The following RASGRF1 variants were observed in gnomAD, a reference collection of about 807,000 sequenced individuals.
RASGRF1 encodes the protein Ras protein specific guanine nucleotide releasing factor 1.
A neutral mutation model predicts 138.7 loss-of-function variants in RASGRF1; 40 were observed. The ratio of observed to expected loss-of-function variants is 0.29; its 90% CI spans 0.22 to 0.38. The LOEUF (loss-of-function observed/expected upper bound fraction) is 0.38, where lower values mean the gene tolerates loss of function less well. Ranked by LOEUF, RASGRF1 falls within the 10% of genes least tolerant of loss-of-function variation. The probability of loss-of-function intolerance (pLI) is 1.00; values close to 1 mark genes in which losing one functional copy is unlikely to be tolerated. For missense variants in RASGRF1, 1,108 were observed against 1,650.4 expected (o/e 0.67, Z 5.69); for synonymous variants, 614 against 663.2 (o/e 0.93, Z 1.14).
chr15:78,991,503 A>G (rs1255103258), intron 21 of RASGRF1, among the ~76,000 whole-genome samples, 188 bp downstream of exon 21: 5 of 152,150 alleles, frequency 3.3e-5, no homozygotes, highest in Non-Finnish European at 7.4e-5. Flanking sequence ...GCTGACAGGT[A>G]AGGAGAGAAT....
At chr15:79,035,027 G>A (rs1934654079) in intron 6 of RASGRF1, 104 bp downstream of exon 6, 1 of 900,250 alleles carries the variant, frequency 1.1e-6, no homozygotes, top group African/African-American at 1.7e-5. Context: ...GTTTTAAAAA[G>A]TGACACTCTA....
intron 22 of RASGRF1, among the ~76,000 whole-genome samples, chr15:78,988,839 G>GTT (rs555940270): frequency 0.36 from 45,535 of 127,070 alleles, 9,011 homozygotes; most frequent in Non-Finnish European, 0.38. Context: ...CTGGGAGGGA[G>GTT]TTTTTTTTTT....
chr15:79,017,711 C>T, intron 12 of RASGRF1, 59 bp downstream of exon 12: 1 of 1,534,254 alleles, frequency 6.5e-7, no homozygotes, highest in Non-Finnish European at 8.8e-7. Flanking sequence ...CAGCCAAATC[C>T]CTGACCTGGT....
chr15:79,065,787 G>C (rs940100914), intron 1 of RASGRF1, among the ~76,000 whole-genome samples: 2 of 152,016 alleles, frequency 1.3e-5, no homozygotes, highest in Non-Finnish European at 2.9e-5. Context: ...TCCATCCCTC[G>C]GTGTCCAGGT....
At chr15:79,063,729 G>GT (rs2057639307) in intron 2 of RASGRF1, among the ~76,000 whole-genome samples, 1 of 152,160 alleles carries the variant, frequency 6.6e-6, no homozygotes, top group Non-Finnish European at 1.5e-5. Flanking sequence ...GCCCAGAAAC[G>GT]TAAGTCTGGG....
chr15:79,004,176 C>T lies in RASGRF1; in HGVS notation c.2076-1G>A. On this transcript the variant is annotated splice_acceptor_variant, in intron 14 of 26. Transcript: ENST00000558480. LOFTEE classifies it high-confidence loss of function. ...ACTGGCAAACAGGAGCTCCAGCGACCTGTGGGGAGGGCGGGGGTGAAAATG... is the reference window on the plus strand; with the variant it reads ...ACTGGCAAACAGGAGCTCCAGCGACTTGTGGGGAGGGCGGGGGTGAAAATG... 3 of 1,569,042 alleles carry T rather than the reference C, an allele frequency of 1.9e-6. No homozygotes were observed. Among genetic ancestry groups the T allele is most frequent in the Non-Finnish European group, 2.6e-6 (3 of 1,155,414 alleles).
At position 79,007,324 on chromosome 15, in the gene RASGRF1, G is replaced by A. The variant is rs140416106; in HGVS notation, c.1827-890C>T. Among the ~76,000 whole-genome samples the A allele has an allele frequency of 5.2e-3, 789 of 152,262 alleles. 6 individuals are homozygous for A. The highest frequency in any genetic ancestry group is 0.018 in the African/African-American group (747 of 41,548). ...CCACACAGCGCCCTCTGGTGCTTAC[G>A]CCACTGGAATCGTCTTTTATTGGTC... is the stretch of plus-strand genomic sequence containing the variant. On this transcript the variant is annotated intron_variant, in intron 13 of 26. Coordinates refer to ENST00000558480, the MANE Select transcript of RASGRF1 (RefSeq NM_001145648.3).
At chr15:78,994,033 G>T (rs1179770621) in intron 20 of RASGRF1, among the ~76,000 whole-genome samples, 4 of 152,242 alleles carry the variant, frequency 2.6e-5, no homozygotes, top group Admixed American at 2.6e-4. Flanking sequence ...GCAGCTGTTT[G>T]TTCTGGAAGA....
intron 3 of RASGRF1, among the ~76,000 whole-genome samples, chr15:79,055,313 C>T (rs2057495810): frequency 1.3e-5 from 2 of 152,132 alleles, no homozygotes; most frequent in African/African-American, 4.8e-5. Flanking sequence ...CTAGAGCCCA[C>T]TCAGAGCCAG....
At position 79,050,793 on chromosome 15, in the gene RASGRF1, C is replaced by T. The variant is rs973040872; in HGVS notation, c.532-1205G>A. The stretch of plus-strand genomic sequence containing the variant: ...TCCTCCTGCGCAGGGCTCGTCCAAC[C>T]ACTCCAATTCTGTGAGTCCTTGTTT... On this transcript the variant is annotated intron_variant, in intron 3 of 26. Transcript: ENST00000558480. This position sits in a 1 kb window ranked among gnomAD's most constrained non-coding sequence, Gnocchi z 4.1. Among the ~76,000 whole-genome samples the T allele has an allele frequency of 3.3e-5, 5 of 152,212 alleles. No homozygotes were observed. The highest frequency in any genetic ancestry group is 2.1e-4 in the South Asian group (1 of 4,828).
At chr15:79,079,646 G>GTA (rs138962004) in intron 1 of RASGRF1, among the ~76,000 whole-genome samples, 1,647 of 152,018 alleles carry the variant, frequency 0.011, 38 homozygotes, top group African/African-American at 0.038. Flanking sequence ...GCATGTACAT[G>GTA]TATATATATA....
At chr15:78,976,111 A>G (rs2055864749) in intron 24 of RASGRF1, among the ~76,000 whole-genome samples, 1 of 152,072 alleles carries the variant, frequency 6.6e-6, no homozygotes. Context: ...GGGGTTTCTG[A>G]CCACCCAGAT....
intron 2 of RASGRF1, among the ~76,000 whole-genome samples, chr15:79,059,991 GACACACACACACAC>G (rs941037876): frequency 1.3e-4 from 4 of 31,576 alleles, no homozygotes; most frequent in South Asian, 1.4e-3. Flanking sequence ...CAGACACACA[GACACACACACACAC>G]ACACACACAC....
chr15:79,076,285 T>C (rs1452746981), intron 1 of RASGRF1, among the ~76,000 whole-genome samples: 2 of 126,050 alleles, frequency 1.6e-5, no homozygotes, highest in South Asian at 6.0e-4. Flanking sequence ...TAAAACAGAG[T>C]GGTGGGTGGG....
At chr15:78,998,413 A>G in intron 18 of RASGRF1, 2 of 622,610 alleles carry the variant, frequency 3.2e-6, no homozygotes, top group Non-Finnish European at 5.7e-6. Context: ...CTGGAACCAG[A>G]TCAAAGCCCA....
intron 5 of RASGRF1, among the ~76,000 whole-genome samples, chr15:79,038,139 T>C (rs192786267): frequency 1.5e-3 from 227 of 152,256 alleles, no homozygotes; most frequent in Admixed American, 3.8e-3. Context: ...CCAGTGTTAG[T>C]CTGTGGCCCA....
rs57956576 is a variant in RASGRF1 at position 79,061,413 on chromosome 15, AAT to A, written c.384-2934_384-2933del. ...TAGAAAATTAGAACACTATCTTTAAAATATATATATATATATATCATTCATTT... is the reference window on the plus strand; with the variant it reads ...TAGAAAATTAGAACACTATCTTTAAAATATATATATATATATCATTCATTT... On this transcript the variant is annotated intron_variant, in intron 2 of 26. Coordinates refer to ENST00000558480, the MANE Select transcript of RASGRF1 (RefSeq NM_001145648.3). 1.2e-4 allele frequency among the ~76,000 whole-genome samples: 14 copies of A among 117,016 alleles called. 1 individual carries two copies. Among genetic ancestry groups the A allele is most frequent in the East Asian group, 7.7e-4 (3 of 3,874 alleles). The allele number at this position is 117,016 out of a possible 152,430, so 76.8% of individuals were successfully genotyped here.
At chr15:79,041,409 A>G (rs543023583) in intron 5 of RASGRF1, among the ~76,000 whole-genome samples, 4 of 152,310 alleles carry the variant, frequency 2.6e-5, no homozygotes, top group Admixed American at 2.6e-4. Flanking sequence ...TGAACAGTTA[A>G]TATAGTGAGA....
intron 20 of RASGRF1, among the ~76,000 whole-genome samples, chr15:78,995,446 G>A (rs567385626): frequency 7.9e-5 from 12 of 151,734 alleles, no homozygotes; most frequent in Admixed American, 4.6e-4. Flanking sequence ...CTGCCACCAC[G>A]CCTAGCTAAT....
Sources: allele counts gnomAD v4.1 joint callset (sites outside exome capture counted in the v4.1 genomes callset), GRCh38; gene constraint gnomAD v4.1.1; non-coding constraint Gnocchi (gnomAD v3.1); transcripts MANE v1.5; gene names NCBI Gene and HGNC (gene_info 2026-07-23, HGNC 2026-07-21).